Variants in WDR64 observed in about 807,000 individuals in gnomAD.
The protein encoded by WDR64 is WD repeat domain 64, also known as WD repeat-containing protein 64.
A neutral mutation model predicts 139.3 loss-of-function variants in WDR64; 112 were observed. The observed-to-expected ratio is 0.80, with a 90% CI of 0.69 to 0.94. WDR64 has a LOEUF of 0.94. Ranked by LOEUF, WDR64 falls within the 40% of genes least tolerant of loss-of-function variation. The probability of loss-of-function intolerance (pLI) is 0.00; values close to 1 mark genes in which losing one functional copy is unlikely to be tolerated. For synonymous variants in WDR64, 444 were observed against 437.7 expected (o/e 1.01, Z -0.18); for missense variants, 1,206 against 1,293.1 (o/e 0.93, Z 1.03).
chr1:241,675,709 C>A (rs181974908), intron 4 of WDR64, among the ~76,000 whole-genome samples: 2 of 152,320 alleles, frequency 1.3e-5, no homozygotes, highest in Admixed American at 1.3e-4. Context: ...ACTTACATAT[C>A]TTTCACATCT....
chr1:241,790,742 AC>A, intron 25 of WDR64, 46 bp downstream of exon 25: 1 of 1,408,874 alleles, frequency 7.1e-7, no homozygotes, highest in Non-Finnish European at 9.7e-7. Flanking sequence ...CAACAACAAA[AC>A]CTTTGCTTTT....
chr1:241,783,632 A>G (rs1658929051), intron 23 of WDR64, among the ~76,000 whole-genome samples: 2 of 152,198 alleles, frequency 1.3e-5, no homozygotes, highest in Admixed American at 1.3e-4. Context: ...GATAAAAGTG[A>G]AGTTTTTTTT....
At chr1:241,769,346 T>C in intron 16 of WDR64, 58 bp from the exon 17 acceptor site, 5 of 1,321,234 alleles carry the variant, frequency 3.8e-6, no homozygotes, top group Non-Finnish European at 5.3e-6. Flanking sequence ...ACAATCTTAG[T>C]ACTGTAAGCT....
intron 9 of WDR64, among the ~76,000 whole-genome samples, chr1:241,721,281 C>T (rs1335687346): frequency 6.6e-6 from 1 of 152,102 alleles, no homozygotes; most frequent in Non-Finnish European, 1.5e-5. Context: ...TGTTCAGGCT[C>T]TTTTTTGGTT....
chr1:241,738,917 CT>C (rs1373367401), intron 11 of WDR64, among the ~76,000 whole-genome samples: 8 of 152,184 alleles, frequency 5.3e-5, no homozygotes, highest in African/African-American at 1.9e-4. Context: ...GCAAATCCAG[CT>C]CCCACACACA....
chr1:241,739,033 G>A lies in WDR64; in HGVS notation c.1321+544G>A, dbSNP rs570941356. ...CTGCAGTGAGGAAATTTGGGCCCAT[G>A]CCATTCTGATAACGAGTCACTACTC... On this transcript the variant is annotated intron_variant, in intron 11 of 27. Coordinates refer to ENST00000437684, the MANE Select transcript of WDR64 (RefSeq NM_001367482.1). Among the ~76,000 whole-genome samples, 5 of 152,290 alleles carry A rather than the reference G, an allele frequency of 3.3e-5. No individual in the cohort carries two copies. The South Asian group carries it at 6.2e-4, about 19-fold the overall frequency.
In WDR64 at chr1:241,772,871, C is replaced by A. The variant is rs1328058376; in HGVS notation, c.2370C>A (p.Ala790=). ...KHPGIANLPE[A]QPPILVTAHE... ...CTGGAATTGCCAATTTACCAGAAGCCCAGCCACCTATCCTTGTCACTGCTC... is the reference window on the plus strand; with the variant it reads ...CTGGAATTGCCAATTTACCAGAAGCACAGCCACCTATCCTTGTCACTGCTC... Residue 790 remains alanine, a synonymous_variant, in exon 20 of 28, where the codon GCC becomes GCA. Transcript: ENST00000437684. 2 of 1,551,856 alleles carry A rather than the reference C, an allele frequency of 1.3e-6. No homozygotes were observed. The highest frequency in any genetic ancestry group is 2.7e-5 in the African/African-American group (2 of 73,006).
intron 14 of WDR64, among the ~76,000 whole-genome samples, chr1:241,753,578 C>A (rs552400089): frequency 6.6e-6 from 1 of 152,150 alleles, no homozygotes; most frequent in African/African-American, 2.4e-5. Context: ...GTGGTGCATG[C>A]CTGTAGTCCC....
chr1:241,653,085 T>G (rs1274811074), intron 1 of WDR64, among the ~76,000 whole-genome samples: 2 of 152,218 alleles, frequency 1.3e-5, no homozygotes, highest in East Asian at 3.8e-4. Context: ...TCCATATCTC[T>G]AGGCAGGAAT....
intron 6 of WDR64, among the ~76,000 whole-genome samples, chr1:241,682,543 T>C (rs1167005336): frequency 2.6e-5 from 4 of 152,256 alleles, no homozygotes; most frequent in Admixed American, 2.6e-4. Context: ...TATAGTATAG[T>C]TTGAAATCAG....
Position 241,704,495 on chromosome 1 carries a change from G to A in WDR64, c.975-7307G>A, listed in dbSNP as rs1192240410. Among the ~76,000 whole-genome samples, 3 of 152,094 alleles carry A rather than the reference G, an allele frequency of 2.0e-5. No homozygotes were observed. The East Asian group carries it at 5.8e-4, about 29-fold the overall frequency. On this transcript the variant is annotated intron_variant, in intron 8 of 27. Coordinates refer to ENST00000437684, the MANE Select transcript of WDR64 (RefSeq NM_001367482.1). Reference sequence around the variant, plus strand: ...ATGAACATGAAATACTGGAAAGCAGGCCATCTTTCATTTTCCAAATTGACA... The same window carrying A: ...ATGAACATGAAATACTGGAAAGCAGACCATCTTTCATTTTCCAAATTGACA...
At chr1:241,699,645 T>C (rs1205506067) in intron 8 of WDR64, among the ~76,000 whole-genome samples, 1 of 152,096 alleles carries the variant, frequency 6.6e-6, no homozygotes, top group East Asian at 1.9e-4. Context: ...TTTGAAGAAT[T>C]GGTAAAACTT....
chr1:241,685,984 G>A (rs1040223041), intron 7 of WDR64, among the ~76,000 whole-genome samples: 14 of 152,136 alleles, frequency 9.2e-5, no homozygotes, highest in African/African-American at 3.1e-4. Context: ...TCATTAGATA[G>A]ATATGTGAAA....
intron 4 of WDR64, chr1:241,676,111 T>C (rs1369880873): frequency 6.6e-6 from 1 of 152,192 alleles, no homozygotes; most frequent in East Asian, 1.9e-4. Context: ...TCAGGAAATC[T>C]TTCAGAAGTT....
intron 2 of WDR64, among the ~76,000 whole-genome samples, chr1:241,663,372 T>C (rs2148060283): frequency 6.6e-6 from 1 of 152,324 alleles, no homozygotes; most frequent in South Asian, 2.1e-4. Context: ...TGCTCACATA[T>C]GGGCACCCCG....
intron 27 of WDR64, among the ~76,000 whole-genome samples, chr1:241,797,850 A>T (rs1659410403): frequency 6.6e-6 from 1 of 151,722 alleles, no homozygotes; most frequent in African/African-American, 2.4e-5. Context: ...TTTCTGCACG[A>T]CTCTGTGCAT....
At chr1:241,674,820 TC>T (rs1419232125) in intron 4 of WDR64, 73 bp downstream of exon 4, 60 of 808,198 alleles carry the variant, frequency 7.4e-5, no homozygotes, top group African/African-American at 2.1e-4. Context: ...CTTGGATTTC[TC>T]CCCCCCTCCC....
chr1:241,748,730 G>C (rs1669860439), intron 13 of WDR64, among the ~76,000 whole-genome samples: 1 of 152,070 alleles, frequency 6.6e-6, no homozygotes, highest in Non-Finnish European at 1.5e-5. Context: ...ATGAGGTCAG[G>C]AGATCGAGAC....
Position 241,775,223 on chromosome 1 carries a change from T to A in WDR64, c.2536+13T>A. On this transcript the variant is annotated intron_variant, in intron 21 of 27. Coordinates refer to ENST00000437684, the MANE Select transcript of WDR64 (RefSeq NM_001367482.1). ...GCTGGAAATGTGGGTGAGTCATTACTCTTAGACATTCAGTGACAGGTGTCT... is the reference window on the plus strand; with the variant it reads ...GCTGGAAATGTGGGTGAGTCATTACACTTAGACATTCAGTGACAGGTGTCT... The A allele has an allele frequency of 6.5e-7, 1 of 1,541,038 alleles. No homozygotes were observed. Among genetic ancestry groups the A allele is most frequent in the Non-Finnish European group, 8.8e-7 (1 of 1,141,768 alleles).
Sources: gnomAD v4.1 joint callset for allele counts (sites outside exome capture counted in the v4.1 genomes callset) on GRCh38, gnomAD v4.1.1 for gene constraint, MANE v1.5 for transcripts, NCBI Gene and HGNC (gene_info 2026-07-23, HGNC 2026-07-21) for gene names.